Variants in CDH11 observed in about 807,000 individuals in gnomAD.
CDH11 encodes the protein cadherin 11, also known as cadherin-11.
Under a neutral mutation model 67.8 loss-of-function variants are expected in CDH11, and 11 were observed. That is an observed-to-expected ratio of 0.16 (90% CI 0.10 to 0.27). The LOEUF (loss-of-function observed/expected upper bound fraction) is 0.27. Ranked by LOEUF, CDH11 falls within the 10% of genes least tolerant of loss-of-function variation. The probability of loss-of-function intolerance (pLI) is 1.00; values close to 1 mark genes in which losing one functional copy is unlikely to be tolerated. For missense variants in CDH11, 847 were observed against 1,031.2 expected, an observed-to-expected ratio of 0.82 and a Z score of 2.45; for synonymous variants, 419 against 400.0, an observed-to-expected ratio of 1.05 and a Z score of -0.57.
At chr16:65,027,686 C>T (rs1443144042) in intron 2 of CDH11, among the ~76,000 whole-genome samples, 1 of 152,120 alleles carries the variant, frequency 6.6e-6, no homozygotes, top group Admixed American at 6.5e-5. Context: ...AGGATGGCTG[C>T]CCATGAAACC....
In CDH11 at chr16:64,958,546, T is replaced by C. The variant is rs375528773; in HGVS notation, c.1643-7528A>G. On this transcript the variant is annotated intron_variant, in intron 11 of 12. Transcript: ENST00000268603. ...TGTGCAAAGATTATAATATCCCATA[T>C]CTTATAAGAAACAAAACTGAGAAAC... is the stretch of plus-strand genomic sequence containing the variant. 8.3e-4 allele frequency among the ~76,000 whole-genome samples: 127 copies of C among 152,260 alleles called. 3 individuals carry two copies. In the South Asian group the frequency reaches 0.025, roughly 30 times the overall value.
chr16:64,965,390 A>T (rs947124772), intron 11 of CDH11, among the ~76,000 whole-genome samples: 55 of 151,860 alleles, frequency 3.6e-4, no homozygotes, highest in African/African-American at 1.3e-3. Context: ...TCGAAAAAAA[A>T]CCTTTTTGCT....
chr16:65,068,210 G>A (rs1165881770), intron 1 of CDH11, among the ~76,000 whole-genome samples: 2 of 145,450 alleles, frequency 1.4e-5, no homozygotes, highest in African/African-American at 5.2e-5. Flanking sequence ...AGAAGGGAAA[G>A]AGGAAGGGAA....
intron 2 of CDH11, among the ~76,000 whole-genome samples, chr16:65,048,888 T>A (rs1202184231): frequency 6.6e-6 from 1 of 151,704 alleles, no homozygotes; most frequent in East Asian, 1.9e-4. Context: ...AAGAATGAAA[T>A]CATATCTTTT....
chr16:64,964,089 A>G (rs897298288), intron 11 of CDH11, among the ~76,000 whole-genome samples: 2 of 152,232 alleles, frequency 1.3e-5, no homozygotes, highest in African/African-American at 4.8e-5. Context: ...ACCTAACACA[A>G]TAATTTGTTC....
At chr16:64,968,615 T>C in intron 11 of CDH11, 4 of 931,332 alleles carry the variant, frequency 4.3e-6, no homozygotes, top group Non-Finnish European at 5.1e-6. Flanking sequence ...AGCTTGTGTG[T>C]ATTAAGATGG....
At chr16:65,019,109 A>G (rs557553809) in intron 2 of CDH11, among the ~76,000 whole-genome samples, 158 of 152,330 alleles carry the variant, frequency 1.0e-3, no homozygotes, top group African/African-American at 3.6e-3. Context: ...GCCAAACACC[A>G]TTTTATATTT....
At chr16:65,123,319 G>A (rs558791179), upstream of CDH11, among the ~76,000 whole-genome samples, 12 of 152,126 alleles carry the variant, frequency 7.9e-5, no homozygotes, top group Admixed American at 5.2e-4. Flanking sequence ...ACCGCCTAGG[G>A]GGACGGGGAT....
intron 2 of CDH11, among the ~76,000 whole-genome samples, chr16:65,017,431 G>A (rs933953474): frequency 1.3e-5 from 2 of 152,164 alleles, no homozygotes; most frequent in Non-Finnish European, 2.9e-5. Context: ...TTTATTCAGA[G>A]TAGAGAGTAG....
At chr16:65,070,981 T>C (rs1170060216) in intron 1 of CDH11, among the ~76,000 whole-genome samples, 1 of 152,182 alleles carries the variant, frequency 6.6e-6, no homozygotes, top group African/African-American at 2.4e-5. Flanking sequence ...GCATGAGTCA[T>C]GCCCAGCAAT....
intron 1 of CDH11, among the ~76,000 whole-genome samples, chr16:65,073,430 G>A (rs1228116385): frequency 6.6e-6 from 1 of 152,132 alleles, no homozygotes; most frequent in Non-Finnish European, 1.5e-5. Context: ...ACAGGTATGA[G>A]CCAACACATC....
At chr16:65,020,103 T>C (rs2142574408) in intron 2 of CDH11, among the ~76,000 whole-genome samples, 1 of 152,280 alleles carries the variant, frequency 6.6e-6, no homozygotes, top group East Asian at 1.9e-4. Flanking sequence ...GAACATCAGA[T>C]AGAAGTACAA....
intron 2 of CDH11, among the ~76,000 whole-genome samples, chr16:65,036,943 G>A (rs1310236493): frequency 6.6e-6 from 1 of 152,154 alleles, no homozygotes; most frequent in Non-Finnish European, 1.5e-5. Context: ...CAGGGCAGAT[G>A]GAGATGTTTC....
At chr16:65,000,297 C>T (rs753650513) in intron 3 of CDH11, among the ~76,000 whole-genome samples, 1 of 152,162 alleles carries the variant, frequency 6.6e-6, no homozygotes, top group Non-Finnish European at 1.5e-5. Flanking sequence ...CTCACCCCGC[C>T]TTGTTGTTCA....
At chr16:64,992,773 C>T in intron 5 of CDH11, 142 bp downstream of exon 5, 1 of 638,512 alleles carries the variant, frequency 1.6e-6, no homozygotes, top group Non-Finnish European at 2.5e-6. Context: ...GGCCAAGTAT[C>T]TAATCCTCAC....
chr16:64,997,300 AAAATAAATAAATAAAT>A (rs71143544), intron 4 of CDH11, among the ~76,000 whole-genome samples: 39 of 125,156 alleles, frequency 3.1e-4, no homozygotes, highest in African/African-American at 1.2e-4. Context: ...ACTCTGTCTC[AAAATAAATAAATAAAT>A]AAATAAATAA....
At chr16:65,010,017 A>T (rs1361039453) in intron 2 of CDH11, among the ~76,000 whole-genome samples, 1 of 152,148 alleles carries the variant, frequency 6.6e-6, no homozygotes, top group Non-Finnish European at 1.5e-5. Context: ...GGAAATTGTT[A>T]TTGGGTGGAG....
chr16:65,115,309 T>C (rs2075223770), intron 1 of CDH11, among the ~76,000 whole-genome samples: 1 of 152,050 alleles, frequency 6.6e-6, no homozygotes, highest in South Asian at 2.1e-4. Context: ...ATCACTTAAA[T>C]TTACGAAATC....
chr16:65,021,567 CACAT>C (rs1347879447), intron 2 of CDH11, among the ~76,000 whole-genome samples: 3,783 of 72,804 alleles, frequency 0.052, 177 homozygotes, highest in African/African-American at 0.16. Flanking sequence ...CACACACACA[CACAT>C]ATATATATAT....
Sources: gnomAD v4.1 joint callset for allele counts (sites outside exome capture counted in the v4.1 genomes callset) on GRCh38, gnomAD v4.1.1 for gene constraint, MANE v1.5 for transcripts, NCBI Gene and HGNC (gene_info 2026-07-23, HGNC 2026-07-21) for gene names.